STX8: variants seen among roughly 807,000 people sequenced by gnomAD.
The protein encoded by STX8 is syntaxin 8.
Under a neutral mutation model 37.5 loss-of-function variants are expected in STX8, and 23 were observed. That is an observed-to-expected ratio of 0.61 (90% CI 0.44 to 0.87). STX8 has a LOEUF of 0.87. Among genes scored for constraint, STX8 ranks in the 40% least tolerant of loss-of-function variants. The pLI is 0.00. For synonymous variants in STX8, 115 were observed against 99.1 expected, an observed-to-expected ratio of 1.16 and a Z score of -0.95; for missense variants, 313 against 284.7, an observed-to-expected ratio of 1.10 and a Z score of -0.71.
rs796246012 is a variant in STX8, at chr17:9,372,455, T to TA, written c.643+6096dup. ...ACAGAAGTGTCTGGCTTTATCAGAT[T>TA]AAAAAAATTATTTTTATTTTTATTT... is the stretch of plus-strand genomic sequence containing the variant. On this transcript the variant is annotated intron_variant, in intron 7 of 7. Coordinates refer to ENST00000306357, the MANE Select transcript of STX8 (RefSeq NM_004853.3). Among the ~76,000 whole-genome samples, 170 of 152,072 alleles carry TA rather than the reference T, an allele frequency of 1.1e-3. 1 individual carries two copies. Among genetic ancestry groups the TA allele is most frequent in the African/African-American group, 3.9e-3 (161 of 41,528 alleles).
intron 7 of STX8, among the ~76,000 whole-genome samples, chr17:9,253,369 C>T (rs565993272): frequency 1.3e-5 from 2 of 152,096 alleles, no homozygotes; most frequent in African/African-American, 2.4e-5. Context: ...AATCTTTTCA[C>T]TGATTTCTGC....
chr17:9,331,722 C>CT (rs1197445241), intron 7 of STX8, among the ~76,000 whole-genome samples: 3 of 152,126 alleles, frequency 2.0e-5, no homozygotes, highest in Non-Finnish European at 2.9e-5. Context: ...AAAATGTCAC[C>CT]TTACTGTTAA....
intron 7 of STX8, among the ~76,000 whole-genome samples, chr17:9,311,972 C>A (rs1419322055): frequency 6.6e-6 from 1 of 150,684 alleles, no homozygotes; most frequent in East Asian, 2.0e-4. Context: ...CTCAGCCTCC[C>A]GAGTAGCTGA....
chr17:9,428,842 A>T (rs9911478), intron 6 of STX8, among the ~76,000 whole-genome samples: 86,037 of 151,982 alleles, frequency 0.57, 26,208 homozygotes, highest in African/African-American at 0.79. Context: ...ACATTATAAG[A>T]GCTCAATAGC....
rs184322004 is a variant in STX8 at position 9,563,310 on chromosome 17, G to A, written c.117+5061C>T. 6.1e-3 allele frequency among the ~76,000 whole-genome samples: 932 copies of A among 152,014 alleles called. 5 individuals are homozygous for A. Among genetic ancestry groups the A allele is most frequent in the Middle Eastern group, 0.014 (4 of 294 alleles). On this transcript the variant is annotated intron_variant, in intron 2 of 7. Transcript: ENST00000306357. ...TGATTCTCCTGCCTCAGCCTCCCGA[G>A]TAGCTGGGATTACAGGTGCTCGCCA...
intron 4 of STX8, 65 bp downstream of exon 4, chr17:9,545,107 C>G (rs1906448126): frequency 1.0e-6 from 1 of 993,594 alleles, no homozygotes; most frequent in Non-Finnish European, 1.6e-6. Flanking sequence ...ATTCAGGAAA[C>G]AGCTGTAGTA....
chr17:9,407,745 G>T (rs1010401176), intron 6 of STX8, among the ~76,000 whole-genome samples: 11 of 152,302 alleles, frequency 7.2e-5, no homozygotes, highest in African/African-American at 2.6e-4. Context: ...TTGACAATTG[G>T]TTGAGTTTGT....
At chr17:9,527,899 G>A (rs1905643391) in intron 4 of STX8, among the ~76,000 whole-genome samples, 1 of 152,162 alleles carries the variant, frequency 6.6e-6, no homozygotes, top group African/African-American at 2.4e-5. Context: ...AGAAATAGAA[G>A]CCATGGTCTT....
At chr17:9,272,242 C>T (rs958927130) in intron 7 of STX8, among the ~76,000 whole-genome samples, 10 of 152,244 alleles carry the variant, frequency 6.6e-5, no homozygotes, top group African/African-American at 2.2e-4. Context: ...GATTGCCGGG[C>T]TTTGCTGTGT....
At position 9,566,556 on chromosome 17, in the gene STX8, G is replaced by A. The variant is rs570876917; in HGVS notation, c.117+1815C>T. ...AATCTCAGCACTTCGGGAGGCCGAG[G>A]TGGGTGGATCACCTGAGGTCAGGTG... On this transcript the variant is annotated intron_variant, in intron 2 of 7. Coordinates refer to ENST00000306357, the MANE Select transcript of STX8 (RefSeq NM_004853.3). Among the ~76,000 whole-genome samples, 24 of 152,302 alleles carry A rather than the reference G, an allele frequency of 1.6e-4. No homozygotes were observed. The East Asian group carries it at 4.3e-3, about 27-fold the overall frequency.
rs1221102480 is a variant in STX8 at position 9,508,856 on chromosome 17, G to A, written c.324-3694C>T. 2.0e-5 allele frequency among the ~76,000 whole-genome samples: 3 copies of A among 152,302 alleles called. No homozygotes were observed. In the East Asian group the frequency reaches 5.8e-4, roughly 29 times the overall value. ...AAGTCTTGGGAGCTTCCAGATCCAG[G>A]AAGCTAAAAGAATCCCAAATAGATT... On this transcript the variant is annotated intron_variant, in intron 4 of 7. Transcript: ENST00000306357.
intron 5 of STX8, among the ~76,000 whole-genome samples, chr17:9,502,126 T>C (rs1310930953): frequency 1.3e-5 from 2 of 152,174 alleles, no homozygotes; most frequent in African/African-American, 4.8e-5. Flanking sequence ...ACTGCAACCA[T>C]TATGGAAAAC....
In STX8 at chr17:9,320,297, C is replaced by A. The variant is rs376292909; in HGVS notation, c.643+58255G>T. ...ACAGTGAGCCAAGATGGCACCACTG[C>A]ACTCCAGCCTGGGTGACAGAGCAAG... On this transcript the variant is annotated intron_variant, in intron 7 of 7. Coordinates refer to ENST00000306357, the MANE Select transcript of STX8 (RefSeq NM_004853.3). 2.5e-4 allele frequency among the ~76,000 whole-genome samples: 37 copies of A among 148,688 alleles called. No homozygotes were observed. In the East Asian group the frequency reaches 7.1e-3, roughly 29 times the overall value.
At chr17:9,251,920 T>A (rs1906593808) in intron 7 of STX8, among the ~76,000 whole-genome samples, 1 of 152,140 alleles carries the variant, frequency 6.6e-6, no homozygotes, top group Non-Finnish European at 1.5e-5. Context: ...TCCCAGCACT[T>A]TGGGAGGCCA....
chr17:9,447,222 G>A (rs963662911), intron 6 of STX8, among the ~76,000 whole-genome samples: 16 of 152,164 alleles, frequency 1.1e-4, no homozygotes, highest in African/African-American at 2.4e-4. Context: ...TGGTAAGTGC[G>A]TTAATCTGTT....
At chr17:9,334,357 G>A (rs182662367) in intron 7 of STX8, among the ~76,000 whole-genome samples, 50 of 152,240 alleles carry the variant, frequency 3.3e-4, no homozygotes, top group African/African-American at 1.2e-3. Context: ...CTAGTCCCCA[G>A]GCAAGAAGGA....
At chr17:9,568,771 T>C (rs1010336619) in intron 1 of STX8, among the ~76,000 whole-genome samples, 13 of 152,208 alleles carry the variant, frequency 8.5e-5, no homozygotes, top group African/African-American at 2.9e-4. Context: ...AGTGCTGGGA[T>C]TACAGGCGTG....
At chr17:9,406,999 C>G (rs1161738584) in intron 6 of STX8, among the ~76,000 whole-genome samples, 1 of 152,088 alleles carries the variant, frequency 6.6e-6, no homozygotes, top group Non-Finnish European at 1.5e-5. Flanking sequence ...ATTGTTCATA[C>G]TATTCAGAGG....
chr17:9,386,783 G>A (rs1046304517), intron 6 of STX8, among the ~76,000 whole-genome samples: 1 of 152,174 alleles, frequency 6.6e-6, no homozygotes, highest in African/African-American at 2.4e-5. Flanking sequence ...GTTAGAGGGT[G>A]ACTTTGATAA....
Sources: gnomAD v4.1 joint callset for allele counts (sites outside exome capture counted in the v4.1 genomes callset) on GRCh38, gnomAD v4.1.1 for gene constraint, MANE v1.5 for transcripts, NCBI Gene and HGNC (gene_info 2026-07-23, HGNC 2026-07-21) for gene names.